Variants in RLN2 observed in about 807,000 individuals in gnomAD.
RLN2 encodes the protein prorelaxin H2.
A neutral mutation model predicts 7.3 loss-of-function variants in RLN2; 10 were observed. That is an observed-to-expected ratio of 1.36 (90% confidence interval 0.84 to 2.31). The LOEUF is 2.31. Among genes scored for constraint, RLN2 ranks in the 30% most tolerant of loss-of-function variants. The pLI is 0.00. For synonymous variants in RLN2, 103 were observed against 82.3 expected (o/e 1.25, Z -1.36); for missense variants, 298 against 217.6 (o/e 1.37, Z -2.32).
the RLN2 span, among the ~76,000 whole-genome samples, chr9:5,337,546 G>C: frequency 6.6e-6 from 1 of 151,866 alleles, no homozygotes; most frequent in East Asian, 1.9e-4. Context: ...ATATTACTTT[G>C]GCACACATTG....
chr9:5,307,666 G>GT (rs144777892), upstream of RLN2, among the ~76,000 whole-genome samples: 1,305 of 152,126 alleles, frequency 8.6e-3, 21 homozygotes, highest in Non-Finnish European at 0.014. Flanking sequence ...TGTCCAAGTT[G>GT]TAAGTTTCCT....
intron 1 of RLN2, among the ~76,000 whole-genome samples, chr9:5,301,979 G>C (rs1379228818): frequency 1.3e-5 from 2 of 152,120 alleles, no homozygotes; most frequent in Non-Finnish European, 2.9e-5. Context: ...GACATCCTAA[G>C]TTTAATTCAA....
the RLN2 span, among the ~76,000 whole-genome samples, chr9:5,318,822 C>T: frequency 6.6e-6 from 1 of 151,804 alleles, no homozygotes; most frequent in Admixed American, 6.6e-5. Context: ...AATGTTTAAC[C>T]ATTTGCTGAT....
the RLN2 span, among the ~76,000 whole-genome samples, chr9:5,324,409 G>C: frequency 6.6e-6 from 1 of 151,940 alleles, no homozygotes; most frequent in Non-Finnish European, 1.5e-5. Flanking sequence ...ATTATAATTT[G>C]ACATTTAAGT....
rs149785664 is a variant in RLN2 at position 5,304,504 on chromosome 9, G to T, written c.77C>A (p.Ser26Ter). The change falls in exon 1 of 2, where the codon TCA (serine) becomes TAA (stop). Residue 26 changes from serine (S) to a stop codon, truncating the protein, a stop_gained. Coordinates refer to ENST00000381627, the MANE Select transcript of RLN2 (RefSeq NM_134441.3). LOFTEE classifies it high-confidence loss of function. ...TAATTTAATAACTTCCTCCATCCAT[G>T]AGTCCGCGACTGCTCTGGAAAATTG... ...LNQFSRAVAD[S>*]WMEEVIKLCG... 9.5e-5 allele frequency: 154 copies of T among 1,613,136 alleles called. 5 individuals carry two copies. The highest frequency in any genetic ancestry group is 2.3e-4 in the African/African-American group (17 of 74,896).
chr9:5,306,637 T>C (rs573599638), upstream of RLN2, among the ~76,000 whole-genome samples: 32 of 152,182 alleles, frequency 2.1e-4, no homozygotes, highest in African/African-American at 7.5e-4. Flanking sequence ...AAAGGAAATC[T>C]TTTTAAGGAG....
At chr9:5,320,816 TTC>T in the RLN2 span, among the ~76,000 whole-genome samples, 1 of 152,098 alleles carries the variant, frequency 6.6e-6, no homozygotes, top group Non-Finnish European at 1.5e-5. Context: ...AGAAAGATAG[TTC>T]TGTCTTCTAG....
the RLN2 span, among the ~76,000 whole-genome samples, chr9:5,323,321 T>C: frequency 6.6e-6 from 1 of 152,018 alleles, no homozygotes; most frequent in South Asian, 2.1e-4. Flanking sequence ...ATTTAATTCA[T>C]AGACCAGCCA....
At chr9:5,308,177 A>G (rs1816287674), upstream of RLN2, among the ~76,000 whole-genome samples, 1 of 152,030 alleles carries the variant, frequency 6.6e-6, no homozygotes, top group East Asian at 1.9e-4. Context: ...CTTTCAGGTT[A>G]TCATGCTGCT....
chr9:5,329,308 T>C, the RLN2 span, among the ~76,000 whole-genome samples: 1 of 26,254 alleles, frequency 3.8e-5, no homozygotes, highest in African/African-American at 1.9e-4. Context: ...AGACTCCATC[T>C]CAAAAAAAAA....
chr9:5,317,994 A>ATGTGTGTG, the RLN2 span, among the ~76,000 whole-genome samples: 1 of 64,746 alleles, frequency 1.5e-5, no homozygotes, highest in Non-Finnish European at 3.0e-5. Flanking sequence ...TAACAAAACT[A>ATGTGTGTG]TGTGTGTGTG....
At chr9:5,314,885 A>G in the RLN2 span, among the ~76,000 whole-genome samples, 1 of 151,086 alleles carries the variant, frequency 6.6e-6, no homozygotes, top group East Asian at 1.9e-4. Context: ...ATGGTGCCCT[A>G]TTGGCTCCGT....
chr9:5,311,116 C>T, the RLN2 span, among the ~76,000 whole-genome samples: 1 of 152,004 alleles, frequency 6.6e-6, no homozygotes, highest in Non-Finnish European at 1.5e-5. Flanking sequence ...CATCACCTGA[C>T]TCAAATAATT....
At chr9:5,313,089 G>A in the RLN2 span, among the ~76,000 whole-genome samples, 4 of 151,884 alleles carry the variant, frequency 2.6e-5, no homozygotes, top group African/African-American at 9.7e-5. Context: ...ATGTCTGTTA[G>A]GTTCATTTGA....
chr9:5,310,667 A>C, the RLN2 span, among the ~76,000 whole-genome samples: 1 of 152,020 alleles, frequency 6.6e-6, no homozygotes, highest in Non-Finnish European at 1.5e-5. Context: ...AAGAATTTGC[A>C]ATATACATTT....
chr9:5,327,236 G>A, the RLN2 span, among the ~76,000 whole-genome samples: 1,192 of 152,200 alleles, frequency 7.8e-3, 32 homozygotes, highest in African/African-American at 0.027. Flanking sequence ...CAGACCAGGA[G>A]ATACCCTCCT....
chr9:5,335,670 T>C, the RLN2 span: 1 of 880,796 alleles, frequency 1.1e-6, no homozygotes, highest in Non-Finnish European at 1.7e-6. Context: ...ACTGTGAATG[T>C]TTGCATACAC....
chr9:5,326,111 T>C, the RLN2 span, among the ~76,000 whole-genome samples: 1 of 152,142 alleles, frequency 6.6e-6, no homozygotes, highest in Admixed American at 6.5e-5. Context: ...GCTAGAAACC[T>C]TGTTACAGTT....
chr9:5,320,171 A>G, the RLN2 span, among the ~76,000 whole-genome samples: 2 of 151,562 alleles, frequency 1.3e-5, no homozygotes, highest in South Asian at 2.1e-4. Context: ...GTTTTAGTAG[A>G]GATGGGGTTT....
Sources: allele counts gnomAD v4.1 joint callset (sites outside exome capture counted in the v4.1 genomes callset), GRCh38; gene constraint gnomAD v4.1.1; transcripts MANE v1.5; gene names NCBI Gene and HGNC (gene_info 2026-07-23, HGNC 2026-07-21).